RELN: variants seen among roughly 807,000 people sequenced by gnomAD.
The protein encoded by RELN is reelin.
In RELN, 108 loss-of-function variants were observed where a neutral mutation model predicts 427.6. The ratio of observed to expected loss-of-function variants is 0.25; its 90% CI spans 0.22 to 0.30. The LOEUF (loss-of-function observed/expected upper bound fraction) is 0.30. Ranked by LOEUF, RELN falls within the 10% of genes least tolerant of loss-of-function variation. The pLI, the probability that RELN is intolerant of heterozygous loss-of-function variation, is 1.00. For missense variants in RELN, 3,715 were observed against 4,302.8 expected (o/e 0.86, Z 3.82); for synonymous variants, 1,524 against 1,513.4 (o/e 1.01, Z -0.16).
intron 15 of RELN, 74 bp from the exon 16 acceptor site, chr7:103,650,457 A>G: frequency 1.1e-6 from 1 of 941,278 alleles, no homozygotes; most frequent in Non-Finnish European, 1.8e-6. Flanking sequence ...CATGGTTTTC[A>G]TGTTCTAGCT....
At chr7:103,819,743 TGA>T (rs1792969910) in intron 3 of RELN, among the ~76,000 whole-genome samples, 1 of 152,066 alleles carries the variant, frequency 6.6e-6, no homozygotes, top group African/African-American at 2.4e-5. Flanking sequence ...ATGAAATATT[TGA>T]GAAACAAAAT....
At position 103,840,598 on chromosome 7, in the gene RELN, G is replaced by A. The variant is rs113194450; in HGVS notation, c.338-6926C>T. ...AGGCAGACATAATGAGCAAGGGTGC[G>A]TATATAAACTGAGAACTAGGAGAAT... On this transcript the variant is annotated intron_variant, in intron 2 of 64. Transcript: ENST00000428762. Among the ~76,000 whole-genome samples the A allele has an allele frequency of 1.7e-3, 257 of 152,266 alleles. 1 individual carries two copies. The highest frequency in any genetic ancestry group is 5.9e-3 in the African/African-American group (247 of 41,568).
chr7:103,897,907 C>G (rs372215141), intron 2 of RELN, among the ~76,000 whole-genome samples: 32 of 152,224 alleles, frequency 2.1e-4, no homozygotes, highest in East Asian at 1.5e-3. Flanking sequence ...CACATAAGTA[C>G]TTCCAGTCAC....
intron 28 of RELN, among the ~76,000 whole-genome samples, chr7:103,584,366 A>G (rs1831222436): frequency 1.3e-5 from 2 of 152,236 alleles, no homozygotes; most frequent in African/African-American, 2.4e-5. Context: ...AAAGGGGTGG[A>G]AAAAGATATA....
At chr7:103,983,663 T>C (rs1255831005) in intron 1 of RELN, among the ~76,000 whole-genome samples, 1 of 152,162 alleles carries the variant, frequency 6.6e-6, no homozygotes, top group Non-Finnish European at 1.5e-5. Flanking sequence ...ACCCCAATGT[T>C]TTTGAAATGA....
At chr7:103,827,769 A>T (rs1229342197) in intron 3 of RELN, among the ~76,000 whole-genome samples, 3 of 151,950 alleles carry the variant, frequency 2.0e-5, no homozygotes, top group Non-Finnish European at 2.9e-5. Flanking sequence ...CATTGTCTCA[A>T]GTTGGGAGAT....
chr7:103,597,665 T>C (rs1831569301), intron 24 of RELN, among the ~76,000 whole-genome samples: 1 of 152,118 alleles, frequency 6.6e-6, no homozygotes, highest in Non-Finnish European at 1.5e-5. Flanking sequence ...TTTCCTTCTC[T>C]CTCACAAACA....
intron 16 of RELN, among the ~76,000 whole-genome samples, chr7:103,644,934 A>G (rs557575625): frequency 1.3e-5 from 2 of 151,814 alleles, no homozygotes; most frequent in African/African-American, 2.4e-5. Flanking sequence ...TGGAATTCTT[A>G]ATAGAAACCT....
At position 103,472,921 on chromosome 7, in the gene RELN, A is replaced by G; in HGVS notation, c.10287-13T>C. 2 of 1,600,220 alleles carry G rather than the reference A, an allele frequency of 1.2e-6. No homozygotes were observed. Among genetic ancestry groups the G allele is most frequent in the South Asian group, 2.2e-5 (2 of 90,784 alleles). On this transcript the variant is annotated splice_polypyrimidine_tract_variant and intron_variant, in intron 64 of 64. Coordinates refer to ENST00000428762, the MANE Select transcript of RELN (RefSeq NM_005045.4). The stretch of plus-strand genomic sequence containing the variant: ...TTGTTTGCGAGTGCTGTTAAAATCA[A>G]ACAGGATAGAGGCAGGGAAGGAAAG...
chr7:103,856,569 C>CAAAAAAAA (rs34695080), intron 2 of RELN, among the ~76,000 whole-genome samples: 7 of 80,222 alleles, frequency 8.7e-5, no homozygotes, highest in African/African-American at 9.8e-5. Context: ...AACTCCACCT[C>CAAAAAAAA]AAAAAAAAAA....
intron 2 of RELN, among the ~76,000 whole-genome samples, chr7:103,867,391 A>C (rs1794225713): frequency 6.6e-6 from 1 of 151,856 alleles, no homozygotes; most frequent in Admixed American, 6.6e-5. Flanking sequence ...AAAAAAATAC[A>C]GGTTATCTGT....
intron 46 of RELN, among the ~76,000 whole-genome samples, chr7:103,525,448 T>C (rs2256504): frequency 0.26 from 40,081 of 152,112 alleles, 7,876 homozygotes; most frequent in African/African-American, 0.55. Context: ...GTGGGTGTTC[T>C]AAACGTCCAG....
chr7:103,697,351 C>T (rs973473723), intron 10 of RELN, among the ~76,000 whole-genome samples: 1 of 152,070 alleles, frequency 6.6e-6, no homozygotes, highest in Admixed American at 6.6e-5. Context: ...CACACGATTC[C>T]TCCTTCCTGG....
chr7:103,665,252 T>C (rs1833235233), intron 11 of RELN, among the ~76,000 whole-genome samples: 1 of 152,122 alleles, frequency 6.6e-6, no homozygotes, highest in South Asian at 2.1e-4. Flanking sequence ...TGAGTCTGTT[T>C]CTACAATTAA....
At chr7:103,935,103 T>C (rs1043396264) in intron 1 of RELN, among the ~76,000 whole-genome samples, 3 of 152,216 alleles carry the variant, frequency 2.0e-5, no homozygotes, top group Non-Finnish European at 4.4e-5. Flanking sequence ...ATGACATTTA[T>C]CTGTATCCCA....
chr7:103,750,165 A>G lies in RELN; in HGVS notation c.578-661T>C, dbSNP rs1790961595. ...TGGCTAATTTTTATATTTTTAGTAG[A>G]CGGGGTTCCGCCATGTTGGCCAGGC... On this transcript the variant is annotated intron_variant, in intron 5 of 64. Transcript: ENST00000428762. Among the ~76,000 whole-genome samples, 4 of 152,076 alleles carry G rather than the reference A, an allele frequency of 2.6e-5. No homozygotes were observed. The South Asian group carries it at 8.3e-4, about 32-fold the overall frequency.
chr7:103,583,514 T>C (rs1831201454), intron 28 of RELN, among the ~76,000 whole-genome samples: 1 of 152,180 alleles, frequency 6.6e-6, no homozygotes, highest in African/African-American at 2.4e-5. Flanking sequence ...ACAAGTTAAG[T>C]GTGTGAGGCG....
chr7:103,582,833 T>C (rs1831184539), intron 28 of RELN, among the ~76,000 whole-genome samples: 1 of 152,210 alleles, frequency 6.6e-6, no homozygotes, highest in Non-Finnish European at 1.5e-5. Flanking sequence ...AGATAGGTTA[T>C]GTTGCGGCAA....
In RELN at chr7:103,885,208, G is replaced by A. The variant is rs143729927; in HGVS notation, c.337+31867C>T. 5.4e-3 allele frequency among the ~76,000 whole-genome samples: 824 copies of A among 152,070 alleles called. 5 individuals are homozygous for A. Among genetic ancestry groups the A allele is most frequent in the South Asian group, 0.013 (61 of 4,810 alleles). ...CAAAAAGTTAGCCAGGCATGGTAGC[G>A]GGTGCCTGTAGTCCCAGCTACTTGG... is the stretch of plus-strand genomic sequence containing the variant. On this transcript the variant is annotated intron_variant, in intron 2 of 64. Transcript: ENST00000428762.
Sources: gnomAD v4.1 joint callset for allele counts (sites outside exome capture counted in the v4.1 genomes callset) on GRCh38, gnomAD v4.1.1 for gene constraint, MANE v1.5 for transcripts, NCBI Gene and HGNC (gene_info 2026-07-23, HGNC 2026-07-21) for gene names.